Variants in CSMD3 observed in about 807,000 individuals in gnomAD.
The protein encoded by CSMD3 is CUB and Sushi multiple domains 3.
In CSMD3, 177 loss-of-function variants were observed where a neutral mutation model predicts 435.2. The observed-to-expected ratio is 0.41, with a 90% CI of 0.36 to 0.46. CSMD3 has a LOEUF of 0.46. Ranked by LOEUF, CSMD3 falls within the 20% of genes least tolerant of loss-of-function variation. The pLI is 0.34. For missense variants in CSMD3, 4,265 were observed against 4,504.6 expected, an observed-to-expected ratio of 0.95 and a Z score of 1.52; for synonymous variants, 1,656 against 1,520.5, an observed-to-expected ratio of 1.09 and a Z score of -2.07.
At chr8:112,745,350 T>C (rs5022884) in intron 13 of CSMD3, among the ~76,000 whole-genome samples, 8 of 152,092 alleles carry the variant, frequency 5.3e-5, no homozygotes, top group Admixed American at 5.2e-4. Context: ...AAATAGTTTC[T>C]ACTATATATC....
At position 113,173,908 on chromosome 8, in the gene CSMD3, T is replaced by A. The variant is rs1337093868; in HGVS notation, c.523A>T (p.Ser175Cys). 6.2e-7 allele frequency: 1 copy of A among 1,612,280 alleles called. No individual in the cohort carries two copies. The highest frequency in any genetic ancestry group is 1.3e-5 in the African/African-American group (1 of 74,872). Residue 175 changes from serine to cysteine, a missense_variant, in exon 4 of 71, where the codon AGT becomes TGT. Ser to Cys is a moderately radical substitution (Grantham distance 112). Coordinates refer to ENST00000297405, the MANE Select transcript of CSMD3 (RefSeq NM_198123.2). ...ACACCAGGATTTCCACAAGAGCTAC[T>A]CTGCAATTCTATTAAAAAGGAGGAA... ...GFKVYYEELQ[S>C]SSCGNPGVPP... is the part of the protein sequence containing the mutation.
chr8:112,702,588 C>T (rs915367634), intron 13 of CSMD3, among the ~76,000 whole-genome samples: 14 of 151,928 alleles, frequency 9.2e-5, no homozygotes, highest in South Asian at 2.1e-4. Context: ...TTCCTACTTC[C>T]GGGGTGGGGG....
intron 1 of CSMD3, among the ~76,000 whole-genome samples, chr8:113,400,050 T>C (rs2094503149): frequency 6.6e-6 from 1 of 151,930 alleles, no homozygotes; most frequent in Non-Finnish European, 1.5e-5. Flanking sequence ...GTCTTAGCTT[T>C]GTTTAAAATT....
chr8:113,356,141 T>TA (rs1340651061), intron 1 of CSMD3, among the ~76,000 whole-genome samples: 1 of 152,042 alleles, frequency 6.6e-6, no homozygotes, highest in East Asian at 1.9e-4. Context: ...ATATACCACT[T>TA]AAAAAAACTA....
chr8:112,364,760 T>C (rs1827599180), intron 38 of CSMD3, among the ~76,000 whole-genome samples: 1 of 151,996 alleles, frequency 6.6e-6, no homozygotes, highest in Non-Finnish European at 1.5e-5. Context: ...GCTAGGATCA[T>C]TTTCCCTAGC....
intron 65 of CSMD3, 28 bp from the exon 66 acceptor site, chr8:112,241,813 A>T: frequency 6.7e-7 from 1 of 1,481,508 alleles, no homozygotes; most frequent in Non-Finnish European, 9.4e-7. Flanking sequence ...GGTGTTTACA[A>T]AAGTTGATGC....
At chr8:113,044,730 A>T (rs2131301432) in intron 5 of CSMD3, among the ~76,000 whole-genome samples, 1 of 149,332 alleles carries the variant, frequency 6.7e-6, no homozygotes, top group African/African-American at 2.4e-5. Context: ...ACTAATTTAC[A>T]CCATCTCATC....
At chr8:112,637,147 G>C (rs756071103) in intron 21 of CSMD3, 142 bp from the exon 22 acceptor site, 1 of 679,414 alleles carries the variant, frequency 1.5e-6, no homozygotes, top group Admixed American at 2.3e-5. Flanking sequence ...CTATCAGAAC[G>C]TACAAATGGC....
chr8:112,282,059 T>C (rs1207619584), intron 58 of CSMD3, among the ~76,000 whole-genome samples: 1 of 152,140 alleles, frequency 6.6e-6, no homozygotes, highest in Non-Finnish European at 1.5e-5. Flanking sequence ...TTAAAAGCTA[T>C]AATATATCAA....
chr8:112,518,544 A>G (rs1274028012), intron 27 of CSMD3, among the ~76,000 whole-genome samples: 1 of 151,832 alleles, frequency 6.6e-6, no homozygotes, highest in East Asian at 1.9e-4. Flanking sequence ...ATGGAGCATC[A>G]TGCATCAAAG....
chr8:112,608,550 A>C (rs1832974651), intron 22 of CSMD3, among the ~76,000 whole-genome samples: 1 of 152,070 alleles, frequency 6.6e-6, no homozygotes, highest in Non-Finnish European at 1.5e-5. Context: ...AAAACTTATC[A>C]AAACAATATG....
intron 43 of CSMD3, among the ~76,000 whole-genome samples, chr8:112,337,097 A>G (rs1824646318): frequency 6.6e-6 from 1 of 152,136 alleles, no homozygotes; most frequent in Non-Finnish European, 1.5e-5. Flanking sequence ...TTATTTAAAT[A>G]TTTTATATCA....
intron 22 of CSMD3, among the ~76,000 whole-genome samples, chr8:112,605,769 A>G (rs1018809535): frequency 2.6e-5 from 4 of 152,116 alleles, no homozygotes; most frequent in African/African-American, 9.7e-5. Context: ...CTGCACATGT[A>G]CCCCCTGAAC....
At chr8:112,392,079 A>G (rs1380882284) in intron 35 of CSMD3, among the ~76,000 whole-genome samples, 1 of 152,188 alleles carries the variant, frequency 6.6e-6, no homozygotes, top group Non-Finnish European at 1.5e-5. Context: ...TAGAATGTAC[A>G]TAAGAAACAA....
chr8:112,362,782 A>G (rs1827378710), intron 38 of CSMD3, among the ~76,000 whole-genome samples: 1 of 151,988 alleles, frequency 6.6e-6, no homozygotes, highest in Non-Finnish European at 1.5e-5. Context: ...CCATATGAGT[A>G]CTGAAAAATT....
chr8:112,800,905 A>C (rs144025612), intron 12 of CSMD3, among the ~76,000 whole-genome samples: 2 of 152,182 alleles, frequency 1.3e-5, no homozygotes, highest in African/African-American at 4.8e-5. Context: ...TGTAACCATA[A>C]GAAGGGAAAT....
intron 38 of CSMD3, among the ~76,000 whole-genome samples, chr8:112,365,467 CCTTTT>C: frequency 9.1e-6 from 1 of 109,808 alleles, no homozygotes; most frequent in East Asian, 2.9e-4. Flanking sequence ...GCATAGATTT[CCTTTT>C]TTTTTTTTTT....
At chr8:112,698,798 G>A (rs557429378) in intron 13 of CSMD3, among the ~76,000 whole-genome samples, 11 of 152,236 alleles carry the variant, frequency 7.2e-5, no homozygotes, top group South Asian at 2.1e-4. Context: ...AGGTGAAGCC[G>A]GCTGGGCTTC....
At chr8:112,275,302 C>A (rs1435949069) in intron 59 of CSMD3, among the ~76,000 whole-genome samples, 5 of 152,160 alleles carry the variant, frequency 3.3e-5, no homozygotes, top group African/African-American at 2.4e-5. Context: ...AACCCCAGCA[C>A]TTTGGGAGGC....
Sources: gnomAD v4.1 joint callset for allele counts (sites outside exome capture counted in the v4.1 genomes callset) on GRCh38, gnomAD v4.1.1 for gene constraint, MANE v1.5 for transcripts, NCBI Gene and HGNC (gene_info 2026-07-23, HGNC 2026-07-21) for gene names.